Variants in RPH3A observed in about 807,000 individuals in gnomAD.
RPH3A encodes the protein rabphilin-3A.
A neutral mutation model predicts 102.2 loss-of-function variants in RPH3A; 48 were observed. The ratio of observed to expected loss-of-function variants is 0.47; its 90% CI spans 0.37 to 0.60. The LOEUF (loss-of-function observed/expected upper bound fraction) is 0.60. RPH3A is among the 20% of genes least tolerant of loss of function. The pLI is 0.00. For synonymous variants in RPH3A, 310 were observed against 324.3 expected (o/e 0.96, Z 0.47); for missense variants, 781 against 910.1 (o/e 0.86, Z 1.83).
At chr12:112,714,639 G>A (rs1041285483) in intron 1 of RPH3A, among the ~76,000 whole-genome samples, 10 of 152,140 alleles carry the variant, frequency 6.6e-5, no homozygotes, top group Admixed American at 2.0e-4. Flanking sequence ...TTCTCTTTCC[G>A]TCTTTCCTGG....
At chr12:112,694,138 C>T (rs2040327947) in intron 1 of RPH3A, among the ~76,000 whole-genome samples, 1 of 152,360 alleles carries the variant, frequency 6.6e-6, no homozygotes, top group East Asian at 1.9e-4. Flanking sequence ...AGTGGCCCTC[C>T]TTTGCCTGCG....
intron 1 of RPH3A, among the ~76,000 whole-genome samples, chr12:112,708,128 C>A (rs998398937): frequency 1.3e-5 from 2 of 152,234 alleles, no homozygotes; most frequent in African/African-American, 4.8e-5. Context: ...AAGTCTTGGG[C>A]TCCTAACATC....
At chr12:112,728,047 C>G (rs10850071) in intron 1 of RPH3A, among the ~76,000 whole-genome samples, 113,873 of 152,154 alleles carry the variant, frequency 0.75, 43,198 homozygotes, top group East Asian at 0.89. Flanking sequence ...CCAGTTTTCT[C>G]CTTCATACTC....
At chr12:112,813,668 C>T (rs1462168621) in intron 2 of RPH3A, among the ~76,000 whole-genome samples, 1 of 152,122 alleles carries the variant, frequency 6.6e-6, no homozygotes, top group Non-Finnish European at 1.5e-5. Context: ...GAGGGTTTTG[C>T]CTGAGCTGGT....
chr12:112,880,030 C>T (rs1450984344), intron 14 of RPH3A, among the ~76,000 whole-genome samples: 1 of 152,198 alleles, frequency 6.6e-6, no homozygotes, highest in Non-Finnish European at 1.5e-5. Context: ...TGTTGCCTCG[C>T]TATAATAATT....
In RPH3A at chr12:112,876,688, G is replaced by A. The variant is rs2042805697; in HGVS notation, c.993G>A (p.Glu331=). 4 of 1,612,986 alleles carry A rather than the reference G, an allele frequency of 2.5e-6. No individual in the cohort carries two copies. Among genetic ancestry groups the A allele is most frequent in the Non-Finnish European group, 3.4e-6 (4 of 1,179,546 alleles). The change falls in exon 13 of 22, where the codon GAG becomes GAA. Residue 331 remains glutamate (E), a synonymous_variant. Transcript: ENST00000389385. ...GGACCACTGCCCCACCCCGAGAGGA[G>A]AGAACAGGGGGAGTCGGGGGCTACC... ...DPGTTAPPRE[E]RTGGVGGYPA...
chr12:112,765,016 T>C (rs967781514), intron 1 of RPH3A, among the ~76,000 whole-genome samples: 18 of 152,228 alleles, frequency 1.2e-4, no homozygotes, highest in African/African-American at 4.1e-4. Flanking sequence ...GTCTGAGCCA[T>C]AAAGGGACTT....
At chr12:112,841,303 G>T (rs934127765) in intron 4 of RPH3A, among the ~76,000 whole-genome samples, 29 of 151,880 alleles carry the variant, frequency 1.9e-4, no homozygotes, top group African/African-American at 6.5e-4. Context: ...GTTAAGATGA[G>T]GGGGGCAGGG....
intron 5 of RPH3A, among the ~76,000 whole-genome samples, chr12:112,857,114 C>T (rs766365017): frequency 1.3e-5 from 2 of 152,050 alleles, no homozygotes; most frequent in African/African-American, 2.4e-5. Context: ...TTTCTTGGGG[C>T]TGCATGTAAA....
intron 1 of RPH3A, among the ~76,000 whole-genome samples, chr12:112,678,293 GAA>G (rs1491224021): frequency 0.019 from 1,641 of 84,648 alleles, 257 homozygotes; most frequent in Middle Eastern, 0.033. Context: ...AAGAAAGAAA[GAA>G]AGAAAGAAAG....
intron 1 of RPH3A, among the ~76,000 whole-genome samples, chr12:112,618,796 G>A (rs755216541): frequency 6.6e-6 from 1 of 152,126 alleles, no homozygotes. Flanking sequence ...ATCTCCACAC[G>A]TAATTTTAGA....
chr12:112,820,529 A>G (rs1460137941), intron 2 of RPH3A, among the ~76,000 whole-genome samples: 1 of 152,174 alleles, frequency 6.6e-6, no homozygotes, highest in Admixed American at 6.5e-5. Context: ...AAATGGAGAT[A>G]ATACTTGTAC....
At chr12:112,582,650 T>A (rs1324054418) in intron 1 of RPH3A, among the ~76,000 whole-genome samples, 2 of 142,766 alleles carry the variant, frequency 1.4e-5, no homozygotes, top group Non-Finnish European at 3.0e-5. Context: ...TTTGTAGAGA[T>A]GGGGTTTCAC....
rs145259563 is a variant in RPH3A, at chr12:112,887,890, G to A, written c.1530G>A (p.Lys510=). Reference sequence around the variant, plus strand: ...AGAAACTGAAGCCCAACCAGAGGAAGAATTTCAACATCTGCCTGGAGCGAG... The same window carrying A: ...AGAAACTGAAGCCCAACCAGAGGAAAAATTTCAACATCTGCCTGGAGCGAG... ...SLKKLKPNQR[K]NFNICLERVI... The change falls in exon 17 of 22, where the codon AAG becomes AAA. Residue 510 remains lysine, a synonymous_variant. Coordinates refer to ENST00000389385, the MANE Select transcript of RPH3A (RefSeq NM_001143854.2). The A allele has an allele frequency of 6.2e-6, 10 of 1,613,802 alleles. No individual in the cohort carries two copies. The highest frequency in any genetic ancestry group is 6.8e-6 in the Non-Finnish European group (8 of 1,179,846).
At chr12:112,875,908 G>A (rs2042790467) in intron 12 of RPH3A, among the ~76,000 whole-genome samples, 167 bp downstream of exon 12, 1 of 152,222 alleles carries the variant, frequency 6.6e-6, no homozygotes, top group Non-Finnish European at 1.5e-5. Context: ...TCCGTACTAA[G>A]ATTAGCTAGA....
At chr12:112,877,514 G>C (rs1429931403) in intron 13 of RPH3A, among the ~76,000 whole-genome samples, 1 of 151,660 alleles carries the variant, frequency 6.6e-6, no homozygotes, top group Non-Finnish European at 1.5e-5. Flanking sequence ...TTTGTGAGCT[G>C]GAGAGAGGTA....
At chr12:112,695,688 C>G (rs935460877) in intron 1 of RPH3A, among the ~76,000 whole-genome samples, 7 of 152,224 alleles carry the variant, frequency 4.6e-5, no homozygotes, top group African/African-American at 1.7e-4. Context: ...AAGAGATTGG[C>G]CCAAAGATGG....
intron 1 of RPH3A, among the ~76,000 whole-genome samples, chr12:112,594,015 G>T (rs1385251256): frequency 6.6e-6 from 1 of 152,166 alleles, no homozygotes; most frequent in African/African-American, 2.4e-5. Context: ...GGTATATTCA[G>T]CACCTAGTAT....
rs199813839 is a variant in RPH3A, at chr12:112,887,875, G to A, written c.1515G>A (p.Lys505=). Residue 505 remains lysine (K), a synonymous_variant, in exon 17 of 22, where the codon AAG becomes AAA. Transcript: ENST00000389385. The stretch of plus-strand genomic sequence containing the variant: ...CCAGATTCTCCCTCAAGAAACTGAA[G>A]CCCAACCAGAGGAAGAATTTCAACA... The part of the protein sequence containing the change: ...GETRFSLKKL[K]PNQRKNFNIC... 1 of 1,613,956 alleles carries A rather than the reference G, an allele frequency of 6.2e-7. No homozygotes were observed. Among genetic ancestry groups the A allele is most frequent in the East Asian group, 2.2e-5 (1 of 44,880 alleles).
Sources: allele counts gnomAD v4.1 joint callset (sites outside exome capture counted in the v4.1 genomes callset), GRCh38; gene constraint gnomAD v4.1.1; transcripts MANE v1.5; gene names NCBI Gene and HGNC (gene_info 2026-07-23, HGNC 2026-07-21).